Variants in MAP7 observed in about 807,000 individuals in gnomAD.
MAP7 encodes ensconsin.
MAP7 carries 52 observed loss-of-function variants against 94.8 expected under a neutral mutation model. The ratio of observed to expected loss-of-function variants is 0.55; its 90% CI spans 0.44 to 0.69. MAP7 has a LOEUF of 0.69. Among genes scored for constraint, MAP7 ranks in the 30% least tolerant of loss-of-function variants. The pLI, the probability that MAP7 is intolerant of heterozygous loss-of-function variation, is 0.00. For synonymous variants in MAP7, 350 were observed against 357.0 expected (o/e 0.98, Z 0.22); for missense variants, 940 against 964.6 (o/e 0.97, Z 0.34).
intron 5 of MAP7, 86 bp downstream of exon 5, chr6:136,388,307 C>T (rs1056527766): frequency 3.1e-5 from 31 of 1,001,510 alleles, no homozygotes; most frequent in Non-Finnish European, 4.1e-5. Flanking sequence ...ATTTTTGTTT[C>T]GCAAACATAG....
At chr6:136,539,673 G>A (rs911467378) in intron 1 of MAP7, among the ~76,000 whole-genome samples, 1 of 152,170 alleles carries the variant, frequency 6.6e-6, no homozygotes, top group South Asian at 2.1e-4. Context: ...GAGCAGGCAC[G>A]AATGCAACTC....
In MAP7 at chr6:136,421,750, A is replaced by C. The variant is rs200819156; in HGVS notation, c.117T>G (p.Pro39=). Residue 39 remains proline, a synonymous_variant, in exon 2 of 18, where the codon CCT becomes CCG. Transcript: ENST00000354570. ...VQDKKNASSR[P]ASAISGQNNN... ...TATTTTGTCCTGAAATTGCAGAGGC[A>C]GGGCGGCTGGAGGCATTTTTCTTAT... The C allele has an allele frequency of 9.3e-6, 15 of 1,614,080 alleles. No homozygotes were observed. In the East Asian group the frequency reaches 3.1e-4, roughly 34 times the overall value.
At chr6:136,439,776 C>CT (rs796432141) in intron 1 of MAP7, among the ~76,000 whole-genome samples, 13 of 150,036 alleles carry the variant, frequency 8.7e-5, no homozygotes, top group African/African-American at 2.0e-4. Context: ...AGATAAGCAA[C>CT]TTTTTTTTTT....
At chr6:136,526,132 C>A in intron 1 of MAP7, 2 of 1,320,888 alleles carry the variant, frequency 1.5e-6, no homozygotes, top group Non-Finnish European at 1.9e-6. Flanking sequence ...ACAGATAGTA[C>A]CAGCCACTTG....
chr6:136,473,865 G>A (rs1809896571), intron 1 of MAP7, among the ~76,000 whole-genome samples: 1 of 152,158 alleles, frequency 6.6e-6, no homozygotes, highest in African/African-American at 2.4e-5. Flanking sequence ...AATGCCTGCT[G>A]TGTTCCAGGA....
At chr6:136,388,653 G>A (rs1052278327) in intron 4 of MAP7, 143 bp from the exon 5 acceptor site, 44 of 642,872 alleles carry the variant, frequency 6.8e-5, no homozygotes, top group Non-Finnish European at 1.1e-4. Flanking sequence ...TATACCATAA[G>A]GTGAGACTAG....
rs763203933 is a variant in MAP7 at position 136,362,414 on chromosome 6, C to G, written c.1526+36G>C. The G allele has an allele frequency of 4.4e-6, 7 of 1,606,574 alleles. No individual in the cohort carries two copies. In the African/African-American group the frequency reaches 9.4e-5, roughly 21 times the overall value. ...GGTGATGAGTTAATCCAAAGTATCA[C>G]TGACACCATGGTGTGGAGCAATGTC... On this transcript the variant is annotated intron_variant, in intron 11 of 17. Transcript: ENST00000354570.
chr6:136,526,124 A>C (rs992292284), intron 1 of MAP7: 1 of 1,342,250 alleles, frequency 7.5e-7, no homozygotes, highest in African/African-American at 1.5e-5. Context: ...AACAGCTGAC[A>C]GATAGTACCA....
intron 1 of MAP7, among the ~76,000 whole-genome samples, chr6:136,428,358 A>G (rs148774547): frequency 2.6e-5 from 4 of 152,264 alleles, no homozygotes; most frequent in Admixed American, 1.3e-4. Context: ...CCTACTAAGC[A>G]TACAAAAATT....
Position 136,512,885 on chromosome 6 carries a change from G to A in MAP7, c.67+37457C>T, listed in dbSNP as rs1823688458. ...CTCACTCTGTTGCCCAGGCTGCAGT[G>A]CAGTAGCACAACCACAGGTCACTGC... On this transcript the variant is annotated intron_variant, in intron 1 of 17. Transcript: ENST00000354570. Among the ~76,000 whole-genome samples, 4 of 150,326 alleles carry A rather than the reference G, an allele frequency of 2.7e-5. No individual in the cohort carries two copies. The South Asian group carries it at 8.4e-4, about 32-fold the overall frequency.
At chr6:136,490,111 GC>G (rs1368279805) in intron 1 of MAP7, among the ~76,000 whole-genome samples, 1 of 152,124 alleles carries the variant, frequency 6.6e-6, no homozygotes, top group Non-Finnish European at 1.5e-5. Context: ...ACAATCACAT[GC>G]TGTTATTATT....
At chr6:136,488,145 T>G (rs1562455264) in intron 1 of MAP7, among the ~76,000 whole-genome samples, 1 of 152,222 alleles carries the variant, frequency 6.6e-6, no homozygotes, top group Non-Finnish European at 1.5e-5. Context: ...TTGTACAAGC[T>G]TTTCCAGTTT....
rs370613031 is a variant in MAP7 at position 136,389,531 on chromosome 6, TAAA to T, written c.245-17_245-15del. The T allele has an allele frequency of 4.3e-3, 6,461 of 1,494,042 alleles. 8 individuals carry two copies. Among genetic ancestry groups the T allele is most frequent in the African/African-American group, 0.016 (1,073 of 65,048 alleles). The allele number at this position is 1,494,042 out of a possible 1,614,324, so 92.5% of individuals were successfully genotyped here. A position where few individuals can be genotyped will look rare whatever the true frequency, so the allele number is the denominator to read the frequency against. On this transcript the variant is annotated splice_polypyrimidine_tract_variant and intron_variant, in intron 3 of 17. Transcript: ENST00000354570. ...TTTCTCTTGCAGCTTTGGGGAGGGT[TAAA>T]AAAAAAAAAAAAGAGGGAAATCAAA...
chr6:136,379,698 T>A (rs552456515), intron 6 of MAP7, among the ~76,000 whole-genome samples: 2 of 152,356 alleles, frequency 1.3e-5, no homozygotes, highest in South Asian at 4.1e-4. Flanking sequence ...AGATGGGTTG[T>A]CATGGAAAAG....
intron 3 of MAP7, among the ~76,000 whole-genome samples, chr6:136,402,092 C>A (rs1301591229): frequency 6.6e-6 from 1 of 152,192 alleles, no homozygotes; most frequent in Non-Finnish European, 1.5e-5. Context: ...CCTCCTTCCC[C>A]CTGGCAAACT....
At chr6:136,526,773 A>G in intron 1 of MAP7, 1 of 752,266 alleles carries the variant, frequency 1.3e-6, no homozygotes, top group African/African-American at 1.9e-5. Flanking sequence ...GTCTATCATA[A>G]CAATGTTTGC....
At chr6:136,546,173 A>T (rs1338866567) in intron 1 of MAP7, among the ~76,000 whole-genome samples, 1 of 151,896 alleles carries the variant, frequency 6.6e-6, no homozygotes, top group Non-Finnish European at 1.5e-5. Context: ...CCACCACACC[A>T]GGCTAATTTT....
At position 136,547,683 on chromosome 6, in the gene MAP7, T is replaced by C. The variant is rs147987284; in HGVS notation, c.67+2659A>G. On this transcript the variant is annotated intron_variant, in intron 1 of 17. Transcript: ENST00000354570. ...AATGTTTTCGCCACAAAGAATGTGA[T>C]TTGACTAACTTTGAGAATATATACC... Among the ~76,000 whole-genome samples the C allele has an allele frequency of 7.7e-3, 1,121 of 144,832 alleles. 16 individuals are homozygous for C. Among genetic ancestry groups the C allele is most frequent in the African/African-American group, 0.028 (1,045 of 36,900 alleles).
chr6:136,424,052 C>A (rs1350318177), intron 1 of MAP7, among the ~76,000 whole-genome samples: 1 of 151,884 alleles, frequency 6.6e-6, no homozygotes, highest in Non-Finnish European at 1.5e-5. Flanking sequence ...CCTGCCTCGG[C>A]CTCCCAAAGT....
Sources: allele counts gnomAD v4.1 joint callset (sites outside exome capture counted in the v4.1 genomes callset), GRCh38; gene constraint gnomAD v4.1.1; transcripts MANE v1.5; gene names NCBI Gene and HGNC (gene_info 2026-07-23, HGNC 2026-07-21).